Variants in MACROD2 observed in about 807,000 individuals in gnomAD.
The protein encoded by MACROD2 is ADP-ribose glycohydrolase MACROD2.
MACROD2 carries 36 observed loss-of-function variants against 70.4 expected under a neutral mutation model. That is an observed-to-expected ratio of 0.51 (90% CI 0.39 to 0.68). MACROD2 has a LOEUF of 0.68. MACROD2 is among the 30% of genes least tolerant of loss of function. MACROD2 has a pLI of 0.00. For synonymous variants in MACROD2, 172 were observed against 178.8 expected (o/e 0.96, Z 0.30); for missense variants, 496 against 538.4 (o/e 0.92, Z 0.78).
chr20:14,468,438 CTTT>C (rs35239187), intron 3 of MACROD2, among the ~76,000 whole-genome samples: 1 of 110,182 alleles, frequency 9.1e-6, no homozygotes, highest in Non-Finnish European at 1.8e-5. Context: ...GCAACCCCTG[CTTT>C]TTTTTTTTTT....
chr20:15,343,219 G>T (rs112200287), intron 6 of MACROD2, among the ~76,000 whole-genome samples: 1 of 152,122 alleles, frequency 6.6e-6, no homozygotes, highest in African/African-American at 2.4e-5. Flanking sequence ...TGGCTTGTAC[G>T]TGCTCTTGTT....
chr20:15,092,123 T>C (rs2075797168), intron 5 of MACROD2, among the ~76,000 whole-genome samples: 1 of 152,018 alleles, frequency 6.6e-6, no homozygotes, highest in South Asian at 2.1e-4. Context: ...TAAAATGAAA[T>C]GTAATTTTCT....
At chr20:15,686,534 A>G (rs2050226900) in intron 8 of MACROD2, among the ~76,000 whole-genome samples, 1 of 152,200 alleles carries the variant, frequency 6.6e-6, no homozygotes, top group South Asian at 2.1e-4. Flanking sequence ...AATAGGTAGT[A>G]GAAAGGGGCT....
Position 15,406,722 on chromosome 20 carries a change from GACAA to G in MACROD2, c.541-24677_541-24674del, listed in dbSNP as rs765469723. 2.6e-5 allele frequency among the ~76,000 whole-genome samples: 4 copies of G among 152,268 alleles called. No individual in the cohort carries two copies. The South Asian group carries it at 6.2e-4, about 24-fold the overall frequency. ...TAGCTAATAGAACATTTGTGGAGGA[GACAA>G]ACAAATTGTCCAGAATAAACAAAGC... On this transcript the variant is annotated intron_variant, in intron 6 of 17. Coordinates refer to ENST00000684519, the MANE Select transcript of MACROD2 (RefSeq NM_001351661.2).
At chr20:14,540,959 A>G (rs1439314416) in intron 4 of MACROD2, among the ~76,000 whole-genome samples, 1 of 152,148 alleles carries the variant, frequency 6.6e-6, no homozygotes, top group Non-Finnish European at 1.5e-5. Flanking sequence ...AATTAGCCCC[A>G]TCTTACTTCA....
intron 5 of MACROD2, among the ~76,000 whole-genome samples, chr20:15,156,467 A>G (rs2076307524): frequency 6.6e-6 from 1 of 152,106 alleles, no homozygotes; most frequent in Non-Finnish European, 1.5e-5. Context: ...CTGTTGACTT[A>G]TCTCTCATTT....
At chr20:15,018,376 A>T (rs1219988944) in intron 5 of MACROD2, among the ~76,000 whole-genome samples, 1 of 152,128 alleles carries the variant, frequency 6.6e-6, no homozygotes, top group Non-Finnish European at 1.5e-5. Flanking sequence ...TATTATCCAT[A>T]TTGCTCTCAG....
At chr20:15,922,982 C>T (rs1199432984) in intron 10 of MACROD2, among the ~76,000 whole-genome samples, 1 of 147,932 alleles carries the variant, frequency 6.8e-6, no homozygotes, top group South Asian at 2.2e-4. Context: ...TTTTTGTCTA[C>T]AAATATTAGT....
intron 15 of MACROD2, among the ~76,000 whole-genome samples, chr20:15,997,766 C>A (rs2066652525): frequency 6.6e-6 from 1 of 152,066 alleles, no homozygotes; most frequent in African/African-American, 2.4e-5. Flanking sequence ...TTGTCTTGTT[C>A]TTGACCTTAG....
intron 2 of MACROD2, among the ~76,000 whole-genome samples, chr20:14,031,451 T>G (rs2053245880): frequency 6.6e-6 from 1 of 152,176 alleles, no homozygotes; most frequent in African/African-American, 2.4e-5. Flanking sequence ...TAAAATGGAT[T>G]CTAATTAGTT....
chr20:14,052,507 T>A (rs1191672312), intron 2 of MACROD2, among the ~76,000 whole-genome samples: 1 of 152,158 alleles, frequency 6.6e-6, no homozygotes, highest in African/African-American at 2.4e-5. Flanking sequence ...CATTTCACAC[T>A]CTGATTTATT....
At chr20:15,719,526 G>A (rs1228378111) in intron 8 of MACROD2, among the ~76,000 whole-genome samples, 1 of 152,102 alleles carries the variant, frequency 6.6e-6, no homozygotes, top group African/African-American at 2.4e-5. Flanking sequence ...TCTCAGAAAT[G>A]ACCAATTTTA....
At chr20:14,505,680 AG>A (rs1211306469) in intron 4 of MACROD2, among the ~76,000 whole-genome samples, 2 of 152,200 alleles carry the variant, frequency 1.3e-5, no homozygotes, top group Non-Finnish European at 2.9e-5. Flanking sequence ...AGTAAGTCTG[AG>A]GTGAAGTCCA....
intron 5 of MACROD2, among the ~76,000 whole-genome samples, chr20:14,772,675 C>A (rs1028990906): frequency 6.6e-6 from 1 of 151,974 alleles, no homozygotes; most frequent in African/African-American, 2.4e-5. Flanking sequence ...AGAGCCAAAC[C>A]ATAGCAGTAC....
intron 3 of MACROD2, among the ~76,000 whole-genome samples, chr20:14,392,265 CCCTT>C (rs2083534558): frequency 1.3e-5 from 2 of 152,056 alleles, no homozygotes; most frequent in Admixed American, 6.6e-5. Context: ...TGTCCTCCCT[CCCTT>C]CCTTCTTTCC....
chr20:15,137,103 T>C (rs1474356867), intron 5 of MACROD2, among the ~76,000 whole-genome samples: 1 of 147,134 alleles, frequency 6.8e-6, no homozygotes, highest in Admixed American at 6.8e-5. Context: ...ACTTTTACAC[T>C]GTTGGTGGGA....
At chr20:14,730,978 A>AGC (rs1185445413) in intron 5 of MACROD2, among the ~76,000 whole-genome samples, 7 of 113,986 alleles carry the variant, frequency 6.1e-5, no homozygotes, top group African/African-American at 2.7e-4. Context: ...AAACAGGTTT[A>AGC]GCACACACAC....
At chr20:14,874,289 C>CATTTATTTATTTATTTATTT (rs150117074) in intron 5 of MACROD2, among the ~76,000 whole-genome samples, 5 of 131,326 alleles carry the variant, frequency 3.8e-5, no homozygotes, top group African/African-American at 1.3e-4. Context: ...AATGGAGATT[C>CATTTATTTATTTATTTATTT]ATTTATTTAT....
intron 5 of MACROD2, among the ~76,000 whole-genome samples, chr20:15,216,816 C>T (rs2076814747): frequency 6.6e-6 from 1 of 152,142 alleles, no homozygotes; most frequent in African/African-American, 2.4e-5. Context: ...ACATTCTCTG[C>T]CCATTTGCTT....
Sources: allele counts gnomAD v4.1 joint callset (sites outside exome capture counted in the v4.1 genomes callset), GRCh38; gene constraint gnomAD v4.1.1; transcripts MANE v1.5; gene names NCBI Gene and HGNC (gene_info 2026-07-23, HGNC 2026-07-21).